Variants in CARS2 observed in about 807,000 individuals in gnomAD.
CARS2 encodes the protein probable cysteine--tRNA ligase, mitochondrial.
CARS2 carries 52 observed loss-of-function variants against 68.8 expected under a neutral mutation model. The observed-to-expected ratio is 0.76, with a 90% CI of 0.61 to 0.95. The LOEUF is 0.95. Among genes scored for constraint, CARS2 ranks in the 40% least tolerant of loss-of-function variants. The probability of loss-of-function intolerance (pLI) is 0.00; values close to 1 mark genes in which losing one functional copy is unlikely to be tolerated. For missense variants in CARS2, 780 were observed against 754.2 expected (o/e 1.03, Z -0.40); for synonymous variants, 314 against 303.6 (o/e 1.03, Z -0.36).
chr13:110,695,404 G>A (rs2063591347), intron 3 of CARS2, among the ~76,000 whole-genome samples: 1 of 152,162 alleles, frequency 6.6e-6, no homozygotes, highest in South Asian at 2.1e-4. Flanking sequence ...TATATGGGAA[G>A]ATGTGCATAG....
chr13:110,675,418 T>C (rs9521893), intron 7 of CARS2, among the ~76,000 whole-genome samples: 117,927 of 152,122 alleles, frequency 0.78, 46,436 homozygotes, highest in Middle Eastern at 0.85. Context: ...GGCACATGGA[T>C]GAAGCTGGAA....
At chr13:110,647,466 G>T (rs410049) in intron 10 of CARS2, among the ~76,000 whole-genome samples, 1 of 152,110 alleles carries the variant, frequency 6.6e-6, no homozygotes, top group Non-Finnish European at 1.5e-5. Context: ...ACAAGGTGGC[G>T]GTGGAGACAT....
At chr13:110,694,177 C>T (rs1023325831) in intron 3 of CARS2, among the ~76,000 whole-genome samples, 4 of 151,864 alleles carry the variant, frequency 2.6e-5, no homozygotes, top group Non-Finnish European at 4.4e-5. Context: ...CAGGCATGCA[C>T]CACCATGCCC....
rs146651467 is a variant in CARS2, at chr13:110,669,919, G to T, written c.786-2446C>A. ...GGCACACCAGGAGATTATATCCTGC[G>T]CCTGGCTCGGAGGGTCCCACGCCCA... On this transcript the variant is annotated intron_variant, in intron 7 of 14. Coordinates refer to ENST00000257347, the MANE Select transcript of CARS2 (RefSeq NM_024537.4). 3.2e-3 allele frequency among the ~76,000 whole-genome samples: 481 copies of T among 152,304 alleles called. 8 individuals are homozygous for T. Among genetic ancestry groups the T allele is most frequent in the African/African-American group, 0.011 (463 of 41,554 alleles).
rs1266675951 is a variant in CARS2, at chr13:110,653,941, G to A, written c.988-2841C>T. ...CCGGTTCCACCGTGCAACCTGCCACGGCTCCCTGAGAGGCAAAATGTGGCG... is the reference window on the plus strand; with the variant it reads ...CCGGTTCCACCGTGCAACCTGCCACAGCTCCCTGAGAGGCAAAATGTGGCG... On this transcript the variant is annotated intron_variant, in intron 9 of 14. Transcript: ENST00000257347. The surrounding 1 kb of genome is among the most constrained non-coding windows in gnomAD (Gnocchi z 5.6). Among the ~76,000 whole-genome samples, 5 of 152,222 alleles carry A rather than the reference G, an allele frequency of 3.3e-5. No individual in the cohort carries two copies. Among genetic ancestry groups the A allele is most frequent in the East Asian group, 3.8e-4 (2 of 5,196 alleles).
At chr13:110,706,266 C>A (rs1198733340), upstream of CARS2, 7 of 398,842 alleles carry the variant, frequency 1.8e-5, no homozygotes, top group Admixed American at 4.9e-5. Flanking sequence ...GAGTCGCCCG[C>A]GGCAAGGGTG....
intron 9 of CARS2, among the ~76,000 whole-genome samples, chr13:110,658,368 G>A (rs1052152558): frequency 7.9e-5 from 12 of 152,142 alleles, no homozygotes; most frequent in Non-Finnish European, 2.9e-5. Flanking sequence ...CAAGGCCTGG[G>A]GAAAGGGGAA....
rs1191172633 is a variant in CARS2, at chr13:110,670,417, CCTCTG to C, written c.786-2949_786-2945del. On this transcript the variant is annotated intron_variant, in intron 7 of 14. Transcript: ENST00000257347. The surrounding 1 kb of genome is among the most constrained non-coding windows in gnomAD (Gnocchi z 4.1). The stretch of plus-strand genomic sequence containing the variant: ...TTCTGCAATATTTGCTGTTCTGCAG[CCTCTG>C]CTGGTGATACCCAGGCAAACAGGGT... Among the ~76,000 whole-genome samples, 7 of 152,344 alleles carry C rather than the reference CCTCTG, an allele frequency of 4.6e-5. No individual in the cohort carries two copies.
rs1269688042 is a variant in CARS2 at position 110,670,741 on chromosome 13, A to G, written c.786-3268T>C. On this transcript the variant is annotated intron_variant, in intron 7 of 14. Coordinates refer to ENST00000257347, the MANE Select transcript of CARS2 (RefSeq NM_024537.4). This position sits in a 1 kb window ranked among gnomAD's most constrained non-coding sequence, Gnocchi z 4.1. ...ATGAGTTGAGAGAAGAAGGCTTCAG[A>G]CGATCGGTAATAACAAACTTCTCCG... Among the ~76,000 whole-genome samples, 2 of 152,252 alleles carry G rather than the reference A, an allele frequency of 1.3e-5. No individual in the cohort carries two copies. Among genetic ancestry groups the G allele is most frequent in the African/African-American group, 2.4e-5 (1 of 41,476 alleles).
intron 7 of CARS2, among the ~76,000 whole-genome samples, chr13:110,674,593 A>G (rs2062893412): frequency 6.6e-6 from 1 of 152,150 alleles, no homozygotes; most frequent in African/African-American, 2.4e-5. Context: ...TAGACCTAAA[A>G]CCATAAAAAC....
chr13:110,677,669 A>G (rs2063001977), intron 6 of CARS2, among the ~76,000 whole-genome samples: 1 of 39,248 alleles, frequency 2.5e-5, no homozygotes, highest in African/African-American at 7.3e-5. Flanking sequence ...GACCCAGACA[A>G]TCACACCACA....
intron 3 of CARS2, among the ~76,000 whole-genome samples, chr13:110,696,422 G>A (rs1033665051): frequency 6.6e-6 from 1 of 152,108 alleles, no homozygotes; most frequent in Non-Finnish European, 1.5e-5. Context: ...CCACATCCTC[G>A]CCAGCATCTG....
Position 110,705,977 on chromosome 13 carries a change from C to A in CARS2, c.117G>T (p.Gly39=), listed in dbSNP as rs1324528918. 1 of 1,511,222 alleles carries A rather than the reference C, an allele frequency of 6.6e-7. No individual in the cohort carries two copies. The highest frequency in any genetic ancestry group is 8.8e-7 in the Non-Finnish European group (1 of 1,134,106). The allele number at this position is 1,511,222 out of a possible 1,614,324, so 93.6% of individuals were successfully genotyped here. ...PAGRAASGGR[G]RAWLQPTGRE... is the part of the protein sequence containing the mutation. ...GGCCCGTGGGCTGCAGCCAGGCCCG[C>A]CCGCGCCCCCCGCTCGCCGCCCGGC... The change falls in exon 1 of 15, where the codon GGG becomes GGT. Residue 39 remains glycine (G), a synonymous_variant. Coordinates refer to ENST00000257347, the MANE Select transcript of CARS2 (RefSeq NM_024537.4). The surrounding 1 kb of genome is among the most constrained non-coding windows in gnomAD (Gnocchi z 4.0).
In CARS2 at chr13:110,656,892, A is replaced by G. The variant is rs546229342; in HGVS notation, c.988-5792T>C. Among the ~76,000 whole-genome samples, 243 of 151,750 alleles carry G rather than the reference A, an allele frequency of 1.6e-3. 1 individual carries two copies. Among genetic ancestry groups the G allele is most frequent in the Non-Finnish European group, 2.3e-3 (155 of 67,882 alleles). On this transcript the variant is annotated intron_variant, in intron 9 of 14. Transcript: ENST00000257347. ...GAGTGAGACTCTGTCTCAAAAAGAA[A>G]AAAAAAAAAACGTTCTTAGATAGTG...
chr13:110,679,015 C>T (rs1259561490), intron 6 of CARS2, among the ~76,000 whole-genome samples: 1 of 19,650 alleles, frequency 5.1e-5, no homozygotes, highest in Non-Finnish European at 1.3e-4. Flanking sequence ...ACTGGTCATC[C>T]GGTCACGCCC....
At position 110,665,056 on chromosome 13, in the gene CARS2, T is replaced by G; in HGVS notation, c.920-1538A>C. 1.0e-6 allele frequency: 1 copy of G among 985,454 alleles called. No individual in the cohort carries two copies. Among genetic ancestry groups the G allele is most frequent in the South Asian group, 4.7e-5 (1 of 21,286 alleles). 61.0% of individuals were successfully genotyped at this position (985,454 alleles called of 1,614,324 possible). A position where few individuals can be genotyped will look rare whatever the true frequency, so the allele number is the denominator to read the frequency against. ...ACAGGAGAACAGGTGTCACTTCTCC[T>G]GCGTCAGGAGACACTGATGTTTTGT... On this transcript the variant is annotated intron_variant, in intron 8 of 14. Coordinates refer to ENST00000257347, the MANE Select transcript of CARS2 (RefSeq NM_024537.4). This position sits in a 1 kb window ranked among gnomAD's most constrained non-coding sequence, Gnocchi z 4.3.
chr13:110,650,675 G>C (rs1262813157), intron 10 of CARS2: 3 of 228,232 alleles, frequency 1.3e-5, no homozygotes, highest in East Asian at 2.3e-4. Flanking sequence ...GACAGGCAGG[G>C]TCACGTTTGA....
At chr13:110,713,140 C>T (rs1475914414) in exon 1 of CARS2, 2 of 1,430,022 alleles carry the variant, frequency 1.4e-6, no homozygotes, top group East Asian at 2.5e-5. Context: ...TACTCACGGT[C>T]TCCCCGCCTC....
At chr13:110,650,410 T>TA in intron 10 of CARS2, 1 of 152,270 alleles carries the variant, frequency 6.6e-6, no homozygotes. Flanking sequence ...TTGTATTTTT[T>TA]GTAGAGATAA....
Sources: gnomAD v4.1 joint callset for allele counts (sites outside exome capture counted in the v4.1 genomes callset) on GRCh38, gnomAD v4.1.1 for gene constraint, Gnocchi (gnomAD v3.1) non-coding constraint, MANE v1.5 for transcripts, NCBI Gene and HGNC (gene_info 2026-07-23, HGNC 2026-07-21) for gene names.